PI4K2B: variants seen among roughly 807,000 people sequenced by gnomAD.
PI4K2B encodes the protein phosphatidylinositol 4-kinase type 2 beta, also known as phosphatidylinositol 4-kinase type 2-beta.
PI4K2B carries 46 observed loss-of-function variants against 56.6 expected under a neutral mutation model. The observed-to-expected ratio is 0.81, with a 90% CI of 0.64 to 1.04. The LOEUF (loss-of-function observed/expected upper bound fraction) is 1.04, where lower values mean the gene tolerates loss of function less well. Ranked by LOEUF, PI4K2B falls within the 50% of genes least tolerant of loss-of-function variation. The probability of loss-of-function intolerance (pLI) is 0.00; values close to 1 mark genes in which losing one functional copy is unlikely to be tolerated. For missense variants in PI4K2B, 556 were observed against 607.7 expected (o/e 0.91, Z 0.89); for synonymous variants, 211 against 223.8 (o/e 0.94, Z 0.51).
intron 1 of PI4K2B, among the ~76,000 whole-genome samples, chr4:25,237,680 G>C (rs1267463413): frequency 1.3e-5 from 2 of 152,184 alleles, no homozygotes; most frequent in Non-Finnish European, 2.9e-5. Context: ...TTTTAAGAAA[G>C]TATAGGGAGA....
At position 25,234,185 on chromosome 4, in the gene PI4K2B, G is replaced by T; in HGVS notation, c.22G>T (p.Asp8Tyr). The T allele has an allele frequency of 7.1e-7, 1 of 1,401,012 alleles. No homozygotes were observed. The allele number at this position is 1,401,012 out of a possible 1,614,324, so 86.8% of individuals were successfully genotyped here. Residue 8 changes from aspartate to tyrosine, a missense_variant, in exon 1 of 10, where the codon GAC becomes TAC. By Grantham distance (160) the Asp-to-Tyr change is radical. Coordinates refer to ENST00000264864, the MANE Select transcript of PI4K2B (RefSeq NM_018323.4). ...GTCCATGGAGGATCCCTCCGAGCCC[G>T]ACCGGTTGGCGTCCGCGGACGGCGG... MEDPSEP[D>Y]RLASADGGSP...
At chr4:25,259,813 G>A (rs1213103457) in intron 5 of PI4K2B, among the ~76,000 whole-genome samples, 2 of 152,244 alleles carry the variant, frequency 1.3e-5, no homozygotes, top group African/African-American at 4.8e-5. Flanking sequence ...CAGGCCACGG[G>A]TTGGATAAGC....
chr4:25,240,828 T>A (rs1715485881), intron 1 of PI4K2B, among the ~76,000 whole-genome samples: 1 of 152,224 alleles, frequency 6.6e-6, no homozygotes, highest in Admixed American at 6.5e-5. Flanking sequence ...ACTCCTTCTC[T>A]TTGTCACTTT....
In PI4K2B at chr4:25,249,389, G is replaced by A. The variant is rs1326836736; in HGVS notation, c.269-2932G>A. On this transcript the variant is annotated intron_variant, in intron 1 of 9. Transcript: ENST00000264864. Reference sequence around the variant, plus strand: ...TCATCACTTCCCAGACGGGGTGGCCGGGCAGAGGCGCCCCTCCACCCCCCG... The same window carrying A: ...TCATCACTTCCCAGACGGGGTGGCCAGGCAGAGGCGCCCCTCCACCCCCCG... 4.2e-5 allele frequency among the ~76,000 whole-genome samples: 6 copies of A among 144,134 alleles called. No individual in the cohort carries two copies. In the South Asian group the frequency reaches 9.0e-4, roughly 22 times the overall value. 94.6% of individuals were successfully genotyped at this position (144,134 alleles called of 152,430 possible).
intron 1 of PI4K2B, among the ~76,000 whole-genome samples, chr4:25,251,597 C>T (rs760626716): frequency 4.0e-5 from 6 of 151,890 alleles, no homozygotes; most frequent in Non-Finnish European, 5.9e-5. Flanking sequence ...TATTTGGACT[C>T]GGAGTGCCAG....
At chr4:25,242,890 A>G (rs1391696918) in intron 1 of PI4K2B, among the ~76,000 whole-genome samples, 1 of 152,208 alleles carries the variant, frequency 6.6e-6, no homozygotes, top group African/African-American at 2.4e-5. Flanking sequence ...CTTGTTCCCT[A>G]TATTCATGCA....
At chr4:25,268,264 C>T (rs1040356772) in intron 7 of PI4K2B, among the ~76,000 whole-genome samples, 179 bp from the exon 8 acceptor site, 1 of 152,080 alleles carries the variant, frequency 6.6e-6, no homozygotes, top group Non-Finnish European at 1.5e-5. Context: ...AGTTTACTAC[C>T]TGAATTGACT....
intron 5 of PI4K2B, among the ~76,000 whole-genome samples, chr4:25,259,571 TC>T (rs1363679843): frequency 6.6e-6 from 1 of 152,226 alleles, no homozygotes; most frequent in Non-Finnish European, 1.5e-5. Flanking sequence ...TCTTAATTTT[TC>T]CTGTGCTATA....
Position 25,234,258 on chromosome 4 carries a change from G to A in PI4K2B, c.95G>A (p.Arg32Gln). ...EDGEREPLLP[R>Q]IAWAHPRRGA... is the part of the protein sequence containing the mutation. The stretch of plus-strand genomic sequence containing the variant: ...GGGGAGCGGGAGCCGCTGCTACCGC[G>A]GATCGCCTGGGCCCACCCGCGGAGA... Residue 32 changes from arginine to glutamine, a missense_variant, in exon 1 of 10, where the codon CGG becomes CAG. Coordinates refer to ENST00000264864, the MANE Select transcript of PI4K2B (RefSeq NM_018323.4). The A allele has an allele frequency of 7.0e-7, 1 of 1,425,136 alleles. No homozygotes were observed. The highest frequency in any genetic ancestry group is 1.4e-5 in the South Asian group (1 of 71,272). The allele number at this position is 1,425,136 out of a possible 1,614,324, so 88.3% of individuals were successfully genotyped here. A position where few individuals can be genotyped will look rare whatever the true frequency, so the allele number is the denominator to read the frequency against.
intron 1 of PI4K2B, among the ~76,000 whole-genome samples, chr4:25,237,576 G>T (rs192462721): frequency 1.3e-5 from 2 of 152,314 alleles, no homozygotes; most frequent in Non-Finnish European, 2.9e-5. Context: ...ATGTTGGTCA[G>T]GCTGGTCTCG....
At chr4:25,244,057 A>G (rs1715655272) in intron 1 of PI4K2B, among the ~76,000 whole-genome samples, 1 of 152,208 alleles carries the variant, frequency 6.6e-6, no homozygotes, top group Non-Finnish European at 1.5e-5. Flanking sequence ...TCTCCAAGCA[A>G]GGTCGAAGGT....
chr4:25,269,263 G>T (rs1373090776), intron 9 of PI4K2B, 60 bp downstream of exon 9: 1 of 908,454 alleles, frequency 1.1e-6, no homozygotes, highest in African/African-American at 1.7e-5. Flanking sequence ...GTAGTCAACT[G>T]TTTTCCCCAC....
In PI4K2B at chr4:25,278,378, A is replaced by G. The variant is rs951242620; in HGVS notation, c.*1191A>G. ...TTCATTTTCTTGAGGCTTAAAACCA[A>G]TGTCACCACTTGGGCTTAACTGGGT... On this transcript the variant is annotated 3_prime_UTR_variant, in exon 10 of 10. Transcript: ENST00000264864. 1.3e-5 allele frequency: 2 copies of G among 152,234 alleles called. No homozygotes were observed. Among genetic ancestry groups the G allele is most frequent in the African/African-American group, 4.8e-5 (2 of 41,466 alleles). The allele number at this position is 152,234 out of a possible 1,614,324, so 9.4% of individuals were successfully genotyped here.
intron 9 of PI4K2B, among the ~76,000 whole-genome samples, chr4:25,271,978 C>CA (rs1716914529): frequency 6.6e-6 from 1 of 151,922 alleles, no homozygotes; most frequent in African/African-American, 2.4e-5. Flanking sequence ...CCCATCTCTA[C>CA]AAAAAAATAC....
rs1344285535 is a variant in PI4K2B at position 25,268,477 on chromosome 4, A to C, written c.1113A>C (p.Lys371Asn). ...PFHWAWLPQAKVPFSEEIRNL... is the reference protein window; with the variant it reads ...PFHWAWLPQANVPFSEEIRNL... ...ACTGGGCTTGGCTTCCTCAAGCAAA[A>C]GTTCCCTTTTCTGAAGAAATAAGAA... The change falls in exon 8 of 10, where the codon AAA (lysine) becomes AAC (asparagine). Residue 371 changes from lysine to asparagine, a missense_variant. By Grantham distance (94) the Lys-to-Asn change is moderately conservative. Transcript: ENST00000264864. The C allele has an allele frequency of 6.2e-7, 1 of 1,605,238 alleles. No homozygotes were observed.
chr4:25,256,588 C>A lies in PI4K2B; in HGVS notation c.670C>A (p.Arg224Ser). The change falls in exon 4 of 10, where the codon CGT (arginine) becomes AGT (serine). Residue 224 changes from arginine (R) to serine (S), a missense_variant. Transcript: ENST00000264864. Reference protein sequence around the residue: ...SETFNYNAIDRAKSRGKKYAL... With the variant: ...SETFNYNAIDSAKSRGKKYAL... ...GACATTTAACTATAATGCGATTGAC[C>A]GTGCAAAATCAAGAGGCAAAAAGTA... 1 of 1,612,526 alleles carries A rather than the reference C, an allele frequency of 6.2e-7. No individual in the cohort carries two copies. Among genetic ancestry groups the A allele is most frequent in the South Asian group, 1.1e-5 (1 of 90,916 alleles).
chr4:25,243,258 C>T (rs969065181), intron 1 of PI4K2B, among the ~76,000 whole-genome samples: 3 of 152,216 alleles, frequency 2.0e-5, no homozygotes, highest in African/African-American at 7.2e-5. Flanking sequence ...GGGCTTCTGA[C>T]CCAGGGAACC....
chr4:25,262,275 A>G (rs1292060504), intron 6 of PI4K2B, among the ~76,000 whole-genome samples: 1 of 152,160 alleles, frequency 6.6e-6, no homozygotes, highest in African/African-American at 2.4e-5. Flanking sequence ...CAGGAAGTCA[A>G]TGCTGCAGTG....
chr4:25,263,181 AG>A (rs34622629), intron 6 of PI4K2B, among the ~76,000 whole-genome samples: 10 of 152,186 alleles, frequency 6.6e-5, no homozygotes, highest in African/African-American at 2.4e-4. Flanking sequence ...TAAGGATTAC[AG>A]GGGATTACAA....
Sources: gnomAD v4.1 joint callset for allele counts (sites outside exome capture counted in the v4.1 genomes callset) on GRCh38, gnomAD v4.1.1 for gene constraint, MANE v1.5 for transcripts, NCBI Gene and HGNC (gene_info 2026-07-23, HGNC 2026-07-21) for gene names.